Variants in NFKBIZ observed in about 807,000 individuals in gnomAD.
NFKBIZ encodes the protein NFKB inhibitor zeta, also known as NF-kappa-B inhibitor zeta.
In NFKBIZ, 19 loss-of-function variants were observed where a neutral mutation model predicts 76.8. The observed-to-expected ratio is 0.25, with a 90% CI of 0.17 to 0.36. The LOEUF (loss-of-function observed/expected upper bound fraction) is 0.36, where lower values mean the gene tolerates loss of function less well. Among genes scored for constraint, NFKBIZ ranks in the 10% least tolerant of loss-of-function variants. The probability of loss-of-function intolerance (pLI) is 1.00; values close to 1 mark genes in which losing one functional copy is unlikely to be tolerated. For synonymous variants in NFKBIZ, 368 were observed against 354.8 expected (o/e 1.04, Z -0.42); for missense variants, 829 against 910.9 (o/e 0.91, Z 1.16).
intron 2 of NFKBIZ, among the ~76,000 whole-genome samples, chr3:101,843,307 GT>G (rs1227883672): frequency 1.3e-5 from 2 of 152,062 alleles, no homozygotes; most frequent in African/African-American, 4.8e-5. Context: ...GCCAGGCCTG[GT>G]GGGGCATGCC....
chr3:101,839,334 C>G (rs1169219627), intron 2 of NFKBIZ, among the ~76,000 whole-genome samples: 4 of 152,116 alleles, frequency 2.6e-5, no homozygotes, highest in Non-Finnish European at 5.9e-5. Flanking sequence ...TTAAATAAGA[C>G]ATAAAATTAT....
chr3:101,838,105 A>G (rs569519925), intron 2 of NFKBIZ, among the ~76,000 whole-genome samples: 39 of 152,344 alleles, frequency 2.6e-4, no homozygotes, highest in African/African-American at 9.1e-4. Context: ...GCTTTTGTCC[A>G]ACCTGTAATC....
Position 101,849,522 on chromosome 3 carries a change from C to G in NFKBIZ, c.-107C>G, listed in dbSNP as rs866001094. ...AGTCCCGCGCCGCGCCCGTACTGGC[C>G]CGCGCCGTCCGCCCGCCGACAGCTC... On this transcript the variant is annotated 5_prime_UTR_variant, in exon 1 of 12. Coordinates refer to ENST00000326172, the MANE Select transcript of NFKBIZ (RefSeq NM_031419.4). 63 of 1,020,698 alleles carry G rather than the reference C, an allele frequency of 6.2e-5. No homozygotes were observed. In the Middle Eastern group the frequency reaches 1.4e-3, roughly 22 times the overall value. The allele number at this position is 1,020,698 out of a possible 1,614,324, so 63.2% of individuals were successfully genotyped here.
At chr3:101,837,347 C>T (rs536291891) in intron 2 of NFKBIZ, among the ~76,000 whole-genome samples, 94 of 152,122 alleles carry the variant, frequency 6.2e-4, no homozygotes, top group African/African-American at 2.1e-3. Context: ...AGTGACTCTT[C>T]AGCAGATGGG....
rs1158483872 is a variant in NFKBIZ at position 101,853,127 on chromosome 3, G to A, written c.601G>A (p.Glu201Lys). The A allele has an allele frequency of 9.3e-6, 15 of 1,614,050 alleles. No individual in the cohort carries two copies. The highest frequency in any genetic ancestry group is 1.3e-5 in the Non-Finnish European group (15 of 1,180,044). Residue 201 changes from glutamate to lysine, a missense_variant, in exon 5 of 12, where the codon GAA becomes AAA. Glu to Lys is a moderately conservative substitution (Grantham distance 56). Transcript: ENST00000326172. ...PQTPTPGESM[E>K]DVHLNEPKQE... ...AACACCAACGCCCGGGGAGAGCATG[G>A]AAGATGTTCATCTCAATGAACCCAA...
intron 1 of NFKBIZ, among the ~76,000 whole-genome samples, chr3:101,829,346 A>G (rs570207167): frequency 6.6e-6 from 1 of 152,342 alleles, no homozygotes; most frequent in Non-Finnish European, 1.5e-5. Context: ...CGAGGTCAGC[A>G]TAATCCAGCT....
upstream of NFKBIZ, among the ~76,000 whole-genome samples, chr3:101,848,707 A>C (rs1942889858): frequency 6.6e-6 from 1 of 152,254 alleles, no homozygotes; most frequent in Non-Finnish European, 1.5e-5. Flanking sequence ...CAGAATTTTA[A>C]AAGTTATATC....
At chr3:101,858,788 G>A (rs972301272) in intron 11 of NFKBIZ, among the ~76,000 whole-genome samples, 3 of 152,130 alleles carry the variant, frequency 2.0e-5, no homozygotes, top group Non-Finnish European at 2.9e-5. Context: ...TGAATGAGCC[G>A]GGATCTTTTC....
intron 2 of NFKBIZ, among the ~76,000 whole-genome samples, chr3:101,836,271 C>G (rs1942719300): frequency 6.6e-6 from 1 of 152,180 alleles, no homozygotes; most frequent in Non-Finnish European, 1.5e-5. Context: ...ATTGCTCAGA[C>G]TTCAAAAAGG....
chr3:101,849,933 G>A lies in NFKBIZ; in HGVS notation c.289+16G>A, dbSNP rs1942924005. On this transcript the variant is annotated intron_variant, in intron 1 of 11. Coordinates refer to ENST00000326172, the MANE Select transcript of NFKBIZ (RefSeq NM_031419.4). ...CGCCAGCCAGGTACCCGCCGGCCCCGCACCGCTGCGTACTCGGGGCGCGCA... is the reference window on the plus strand; with the variant it reads ...CGCCAGCCAGGTACCCGCCGGCCCCACACCGCTGCGTACTCGGGGCGCGCA... 7.2e-7 allele frequency: 1 copy of A among 1,379,378 alleles called. No individual in the cohort carries two copies. The highest frequency in any genetic ancestry group is 9.3e-7 in the Non-Finnish European group (1 of 1,074,808). 85.4% of individuals were successfully genotyped at this position (1,379,378 alleles called of 1,614,324 possible).
chr3:101,831,293 A>G (rs1942644023), intron 2 of NFKBIZ, among the ~76,000 whole-genome samples: 1 of 152,242 alleles, frequency 6.6e-6, no homozygotes, highest in African/African-American at 2.4e-5. Flanking sequence ...TACATAATAG[A>G]TATACAGTAT....
At chr3:101,835,206 T>C (rs1050863302) in intron 2 of NFKBIZ, among the ~76,000 whole-genome samples, 23 of 152,166 alleles carry the variant, frequency 1.5e-4, no homozygotes, top group African/African-American at 5.3e-4. Context: ...AGCTGGATGG[T>C]TATTAAGTGA....
upstream of NFKBIZ, among the ~76,000 whole-genome samples, chr3:101,847,985 C>T (rs187820226): frequency 6.6e-6 from 1 of 152,222 alleles, no homozygotes; most frequent in Non-Finnish European, 1.5e-5. Context: ...ATTTCTCCCC[C>T]CCTCCAAAAG....
intron 8 of NFKBIZ, 35 bp downstream of exon 8, chr3:101,855,493 C>G (rs767940735): frequency 1.9e-6 from 3 of 1,583,036 alleles, no homozygotes; most frequent in Non-Finnish European, 1.7e-6. Flanking sequence ...TTCAGAGCCA[C>G]TTAGGGGGAA....
At position 101,849,646 on chromosome 3, in the gene NFKBIZ, G is replaced by A; in HGVS notation, c.18G>A (p.Leu6=). 1 of 1,395,292 alleles carries A rather than the reference G, an allele frequency of 7.2e-7. No homozygotes were observed. Among genetic ancestry groups the A allele is most frequent in the Non-Finnish European group, 9.2e-7 (1 of 1,084,348 alleles). 86.4% of individuals were successfully genotyped at this position (1,395,292 alleles called of 1,614,324 possible). A position where few individuals can be genotyped will look rare whatever the true frequency, so the allele number is the denominator to read the frequency against. Residue 6 remains leucine (L), a synonymous_variant, in exon 1 of 12, where the codon CTG becomes CTA. Coordinates refer to ENST00000326172, the MANE Select transcript of NFKBIZ (RefSeq NM_031419.4). MIVDK[L]LDDSRGGEGL... is the part of the protein sequence containing the mutation. ...CTGGGAGCATGATTGTGGACAAGCT[G>A]CTGGACGACAGCCGCGGCGGAGAGG...
intron 1 of NFKBIZ, among the ~76,000 whole-genome samples, chr3:101,828,443 G>A (rs146298062): frequency 1.1e-4 from 17 of 152,220 alleles, no homozygotes; most frequent in African/African-American, 3.9e-4. Context: ...AGATACTAAT[G>A]GAGGAGATCG....
Position 101,857,177 on chromosome 3 carries a change from T to C in NFKBIZ, c.1929T>C (p.Asn643=), listed in dbSNP as rs1351669703. The C allele has an allele frequency of 6.2e-7, 1 of 1,613,068 alleles. No individual in the cohort carries two copies. ...TGCCCAGTTGCCTGTCTTTTGTGAA[T>C]GCAAAGGTACACCAGAGTTGGAATG... The part of the protein sequence containing the change: ...LELPSCLSFV[N]AKAYNGNTAL... The change falls in exon 10 of 12, where the codon AAT becomes AAC. Residue 643 remains asparagine (N), a synonymous_variant. Coordinates refer to ENST00000326172, the MANE Select transcript of NFKBIZ (RefSeq NM_031419.4).
upstream of NFKBIZ, among the ~76,000 whole-genome samples, chr3:101,846,231 T>C (rs1211004542): frequency 6.6e-6 from 1 of 152,228 alleles, no homozygotes; most frequent in African/African-American, 2.4e-5. Flanking sequence ...CAGTTGACTT[T>C]TCCAGACAGT....
At chr3:101,849,226 G>GGCGGGAGGCGGGAA (rs1286784708), upstream of NFKBIZ, 1 of 157,882 alleles carries the variant, frequency 6.3e-6, no homozygotes, top group East Asian at 1.8e-4. Flanking sequence ...GGAGGCGGGA[G>GGCGGGAGGCGGGAA]GCGGGAGGCG....
Sources: allele counts gnomAD v4.1 joint callset (sites outside exome capture counted in the v4.1 genomes callset), GRCh38; gene constraint gnomAD v4.1.1; transcripts MANE v1.5; gene names NCBI Gene and HGNC (gene_info 2026-07-23, HGNC 2026-07-21).